DOCK3: variants seen among roughly 807,000 people sequenced by gnomAD.
DOCK3 encodes the protein dedicator of cytokinesis protein 3.
DOCK3 carries 60 observed loss-of-function variants against 265.6 expected under a neutral mutation model. That is an observed-to-expected ratio of 0.23 (90% CI 0.18 to 0.28). The LOEUF is 0.28. DOCK3 is among the 10% of genes least tolerant of loss of function. The pLI is 1.00. For synonymous variants in DOCK3, 881 were observed against 938.0 expected (o/e 0.94, Z 1.11); for missense variants, 1,981 against 2,594.3 (o/e 0.76, Z 5.14).
chr3:50,920,536 A>G (rs911982245), intron 4 of DOCK3, among the ~76,000 whole-genome samples: 1 of 152,126 alleles, frequency 6.6e-6, no homozygotes, highest in African/African-American at 2.4e-5. Flanking sequence ...TTATTTGTGT[A>G]GAGGTGTTTA....
chr3:50,995,911 G>A (rs562805834), intron 5 of DOCK3, among the ~76,000 whole-genome samples: 113 of 146,510 alleles, frequency 7.7e-4, no homozygotes, highest in African/African-American at 2.8e-3. Flanking sequence ...TGGCGGGGGC[G>A]GAGGGGACTG....
chr3:51,277,784 C>T, intron 26 of DOCK3, 30 bp downstream of exon 26: 2 of 1,597,256 alleles, frequency 1.3e-6, no homozygotes, highest in South Asian at 2.3e-5. Context: ...GTTTTCTTGC[C>T]TTCTTTTCTA....
chr3:51,074,327 T>TA (rs1178883855), intron 6 of DOCK3, among the ~76,000 whole-genome samples: 2 of 152,190 alleles, frequency 1.3e-5, no homozygotes, highest in African/African-American at 4.8e-5. Flanking sequence ...TTAGAGCTGT[T>TA]GTCTTAGAGT....
intron 1 of DOCK3, among the ~76,000 whole-genome samples, chr3:50,718,334 T>C (rs569312305): frequency 1.3e-5 from 2 of 152,322 alleles, no homozygotes; most frequent in South Asian, 4.1e-4. Flanking sequence ...GTTTGTAGCT[T>C]TTATACTTTA....
At chr3:50,937,722 C>T (rs1482134486) in intron 5 of DOCK3, among the ~76,000 whole-genome samples, 1 of 152,008 alleles carries the variant, frequency 6.6e-6, no homozygotes, top group Non-Finnish European at 1.5e-5. Context: ...ATGTATATTG[C>T]AATCTCTAGA....
At position 50,847,354 on chromosome 3, in the gene DOCK3, A is replaced by AT. The variant is rs2046131079; in HGVS notation, c.162+5646dup. ...TGAGAGTATAGTTGGTATGACTTCC[A>AT]TTTTTTTGAATTTATTGAAACTTGC... On this transcript the variant is annotated intron_variant, in intron 3 of 52. Coordinates refer to ENST00000266037, the MANE Select transcript of DOCK3 (RefSeq NM_004947.5). 2.0e-5 allele frequency among the ~76,000 whole-genome samples: 3 copies of AT among 152,134 alleles called. No homozygotes were observed. In the South Asian group the frequency reaches 6.2e-4, roughly 32 times the overall value.
intron 1 of DOCK3, among the ~76,000 whole-genome samples, chr3:50,753,643 G>A (rs1205428358): frequency 1.3e-5 from 2 of 152,122 alleles, no homozygotes; most frequent in Admixed American, 6.6e-5. Context: ...GATTACAGGC[G>A]TGAGGCACCG....
intron 5 of DOCK3, among the ~76,000 whole-genome samples, chr3:50,937,427 G>A (rs1242350639): frequency 6.6e-6 from 1 of 152,058 alleles, no homozygotes; most frequent in Non-Finnish European, 1.5e-5. Context: ...GGCCGAGGCG[G>A]GCAGATCACG....
intron 19 of DOCK3, among the ~76,000 whole-genome samples, chr3:51,235,066 C>T (rs1393310872): frequency 6.6e-6 from 1 of 152,228 alleles, no homozygotes; most frequent in African/African-American, 2.4e-5. Context: ...CACCACCTAA[C>T]TTTGCTTTCA....
chr3:51,302,051 T>C (rs897342003), intron 27 of DOCK3, among the ~76,000 whole-genome samples: 13 of 152,282 alleles, frequency 8.5e-5, no homozygotes, highest in African/African-American at 2.9e-4. Context: ...CCACTATTAT[T>C]GTGTGTGGGA....
chr3:50,982,749 C>T (rs1482021989), intron 5 of DOCK3, among the ~76,000 whole-genome samples: 1 of 152,162 alleles, frequency 6.6e-6, no homozygotes, highest in Non-Finnish European at 1.5e-5. Context: ...GCTGAGCTGC[C>T]TGCCAGTGGA....
chr3:50,752,630 G>A (rs1178128913), intron 1 of DOCK3, among the ~76,000 whole-genome samples: 1 of 151,688 alleles, frequency 6.6e-6, no homozygotes, highest in African/African-American at 2.4e-5. Flanking sequence ...TACAAAATTA[G>A]CCTGGCATGG....
intron 5 of DOCK3, among the ~76,000 whole-genome samples, chr3:50,937,254 G>A (rs373922446): frequency 4.3e-4 from 62 of 145,546 alleles, no homozygotes; most frequent in African/African-American, 1.5e-3. Flanking sequence ...TCCAGCCTGG[G>A]CGATGAGAGC....
At chr3:51,094,127 T>A (rs1327269235) in intron 9 of DOCK3, among the ~76,000 whole-genome samples, 1 of 152,078 alleles carries the variant, frequency 6.6e-6, no homozygotes, top group Non-Finnish European at 1.5e-5. Flanking sequence ...GGCCCGAAAT[T>A]TTCTTTTTTT....
intron 22 of DOCK3, among the ~76,000 whole-genome samples, chr3:51,250,822 C>T (rs1179488847): frequency 6.6e-6 from 1 of 152,056 alleles, no homozygotes; most frequent in Non-Finnish European, 1.5e-5. Context: ...TATTTAAAAG[C>T]CTAGATGGGA....
chr3:50,761,254 A>C (rs1203122825), intron 1 of DOCK3, among the ~76,000 whole-genome samples: 2 of 152,178 alleles, frequency 1.3e-5, no homozygotes, highest in African/African-American at 4.8e-5. Context: ...TTTGCAACAC[A>C]CATGGTACGT....
At chr3:51,356,703 A>G (rs181906482) in intron 43 of DOCK3, among the ~76,000 whole-genome samples, 5 of 152,214 alleles carry the variant, frequency 3.3e-5, no homozygotes, top group East Asian at 3.9e-4. Context: ...TCAACCTCCT[A>G]CTTTACATAT....
At chr3:50,994,580 A>G (rs1166615353) in intron 5 of DOCK3, among the ~76,000 whole-genome samples, 1 of 152,262 alleles carries the variant, frequency 6.6e-6, no homozygotes, top group Non-Finnish European at 1.5e-5. Flanking sequence ...AAGTATGTAT[A>G]TGTCAAAAAA....
chr3:51,056,439 G>A (rs929086836), intron 5 of DOCK3, among the ~76,000 whole-genome samples: 2 of 152,122 alleles, frequency 1.3e-5, no homozygotes, highest in East Asian at 1.9e-4. Flanking sequence ...TAGTAGAGAC[G>A]AGGTTTCACA....
Sources: gnomAD v4.1 joint callset for allele counts (sites outside exome capture counted in the v4.1 genomes callset) on GRCh38, gnomAD v4.1.1 for gene constraint, MANE v1.5 for transcripts, NCBI Gene and HGNC (gene_info 2026-07-23, HGNC 2026-07-21) for gene names.